TPTE: variants seen among roughly 807,000 people sequenced by gnomAD.
The protein encoded by TPTE is transmembrane phosphatase with tensin homology, also known as putative tyrosine-protein phosphatase TPTE.
In TPTE, 59 loss-of-function variants were observed where a neutral mutation model predicts 84.1. That is an observed-to-expected ratio of 0.70 (90% CI 0.57 to 0.87). The LOEUF is 0.87. Ranked by LOEUF, TPTE falls within the 40% of genes least tolerant of loss-of-function variation. TPTE has a pLI of 0.00. For missense variants in TPTE, 382 were observed against 659.6 expected, an observed-to-expected ratio of 0.58 and a Z score of 4.61; for synonymous variants, 130 against 223.5, an observed-to-expected ratio of 0.58 and a Z score of 3.73.
At chr21:10,572,340 T>G (rs2145713735) in intron 14 of TPTE, among the ~76,000 whole-genome samples, 1 of 152,396 alleles carries the variant, frequency 6.6e-6, no homozygotes, top group South Asian at 2.1e-4. Flanking sequence ...TAGTTCCAGT[T>G]ACTTGGGAGG....
intron 8 of TPTE, among the ~76,000 whole-genome samples, chr21:10,554,658 A>C (rs990481011): frequency 6.6e-6 from 1 of 152,312 alleles, no homozygotes; most frequent in Non-Finnish European, 1.5e-5. Context: ...CATGTAATCA[A>C]ATGTATCTGT....
intron 11 of TPTE, among the ~76,000 whole-genome samples, chr21:10,568,396 T>C (rs1296970954): frequency 6.6e-6 from 1 of 152,308 alleles, no homozygotes; most frequent in Non-Finnish European, 1.5e-5. Context: ...ATAGTTGTGG[T>C]AGAAACAAAG....
chr21:10,573,910 A>T (rs1268531486), intron 14 of TPTE, among the ~76,000 whole-genome samples: 9 of 152,416 alleles, frequency 5.9e-5, no homozygotes, highest in African/African-American at 2.2e-4. Flanking sequence ...GCTCAAAATT[A>T]TATATTAATT....
intron 10 of TPTE, among the ~76,000 whole-genome samples, chr21:10,562,619 G>C (rs1434101757): frequency 6.6e-6 from 1 of 152,308 alleles, no homozygotes; most frequent in African/African-American, 2.4e-5. Context: ...AAATGTAATT[G>C]GCATGCCGAA....
At chr21:10,546,959 A>G (rs1277522164) in intron 7 of TPTE, among the ~76,000 whole-genome samples, 18 of 152,416 alleles carry the variant, frequency 1.2e-4, no homozygotes, top group African/African-American at 4.8e-5. Flanking sequence ...GGCCAAACTA[A>G]ACAACACATT....
intron 7 of TPTE, among the ~76,000 whole-genome samples, chr21:10,547,517 C>T (rs919283189): frequency 3.3e-5 from 5 of 152,308 alleles, no homozygotes; most frequent in Non-Finnish European, 7.3e-5. Flanking sequence ...TGCAAGCCCT[C>T]AGGCCAGTTT....
intron 8 of TPTE, among the ~76,000 whole-genome samples, chr21:10,559,186 A>G (rs2074743494): frequency 6.6e-6 from 1 of 152,306 alleles, no homozygotes; most frequent in Non-Finnish European, 1.5e-5. Flanking sequence ...TTCATGCTAT[A>G]CTCCTTGAGA....
At chr21:10,548,507 C>T (rs978858487) in intron 7 of TPTE, among the ~76,000 whole-genome samples, 2 of 152,310 alleles carry the variant, frequency 1.3e-5, no homozygotes, top group African/African-American at 2.4e-5. Context: ...CCAGGGCTTC[C>T]CCTGGCAGGC....
intron 19 of TPTE, among the ~76,000 whole-genome samples, chr21:10,592,602 C>G (rs576104762): frequency 6.6e-6 from 1 of 152,428 alleles, no homozygotes; most frequent in African/African-American, 2.4e-5. Flanking sequence ...CTATTCTATA[C>G]TGGTTATTGT....
In TPTE at chr21:10,567,768, A is replaced by G. The variant is rs750996733; in HGVS notation, c.545A>G (p.Lys182Arg). 1 of 1,613,424 alleles carries G rather than the reference A, an allele frequency of 6.2e-7. No individual in the cohort carries two copies. Among genetic ancestry groups the G allele is most frequent in the African/African-American group, 1.3e-5 (1 of 74,934 alleles). The change falls in exon 11 of 24, where the codon AAG (lysine) becomes AGG (arginine). Residue 182 changes from lysine to arginine, a missense_variant. Coordinates refer to ENST00000618007, the MANE Select transcript of TPTE (RefSeq NM_199261.4). ...VDVVYIFFDI[K>R]LLRNIPRWTH... ...GTCGTTTACATTTTTTTTGACATTA[A>G]GTTGCTTAGGAATATTCCCAGGTAT...
intron 3 of TPTE, among the ~76,000 whole-genome samples, chr21:10,533,375 G>T (rs1179005416): frequency 2.6e-5 from 4 of 152,426 alleles, no homozygotes; most frequent in African/African-American, 9.6e-5. Context: ...TATTTGTCAT[G>T]CTTACTTTAA....
chr21:10,580,501 G>A (rs1382830000), intron 17 of TPTE, among the ~76,000 whole-genome samples: 3 of 152,308 alleles, frequency 2.0e-5, no homozygotes, highest in Middle Eastern at 3.2e-3. Context: ...TCACAGTTAA[G>A]CATTTACTTT....
intron 8 of TPTE, among the ~76,000 whole-genome samples, chr21:10,555,231 C>T (rs1156710205): frequency 9.2e-5 from 14 of 152,194 alleles, no homozygotes; most frequent in East Asian, 1.9e-4. Context: ...TTTTTTGAGC[C>T]GGAGTCTCGC....
intron 14 of TPTE, among the ~76,000 whole-genome samples, chr21:10,576,838 CATATATATATATAT>C (rs56285862): frequency 0.12 from 15,764 of 136,906 alleles, 4 homozygotes; most frequent in East Asian, 0.24. Context: ...TACATATATA[CATATATATATATAT>C]ATATATATAT....
chr21:10,573,870 C>T (rs1223661733), intron 14 of TPTE, among the ~76,000 whole-genome samples: 41 of 152,320 alleles, frequency 2.7e-4, no homozygotes, highest in African/African-American at 9.9e-4. Flanking sequence ...GGAGCGGCAA[C>T]AAAACAATGC....
At chr21:10,552,398 C>T (rs1484997925) in intron 7 of TPTE, among the ~76,000 whole-genome samples, 1 of 152,264 alleles carries the variant, frequency 6.6e-6, no homozygotes, top group Non-Finnish European at 1.5e-5. Context: ...TCTTTATATG[C>T]ATATATATAG....
intron 8 of TPTE, among the ~76,000 whole-genome samples, chr21:10,559,236 G>T (rs1003448323): frequency 1.3e-5 from 2 of 152,308 alleles, no homozygotes; most frequent in African/African-American, 4.8e-5. Flanking sequence ...CCATAAAGTT[G>T]GGGTTGGGGC....
intron 3 of TPTE, among the ~76,000 whole-genome samples, chr21:10,529,079 G>C (rs1299411704): frequency 6.6e-6 from 1 of 152,300 alleles, no homozygotes; most frequent in Non-Finnish European, 1.5e-5. Flanking sequence ...AGCTACTCGG[G>C]AGGCTGAGGC....
chr21:10,572,566 G>A (rs531956184), intron 14 of TPTE, among the ~76,000 whole-genome samples: 1 of 152,288 alleles, frequency 6.6e-6, no homozygotes, highest in African/African-American at 2.4e-5. Flanking sequence ...AAACTTTACA[G>A]GTCAGTAGAC....
Sources: gnomAD v4.1 joint callset for allele counts (sites outside exome capture counted in the v4.1 genomes callset) on GRCh38, gnomAD v4.1.1 for gene constraint, MANE v1.5 for transcripts, NCBI Gene and HGNC (gene_info 2026-07-23, HGNC 2026-07-21) for gene names.